Variants in RAPGEF5 observed in about 807,000 individuals in gnomAD.
The protein encoded by RAPGEF5 is Rap guanine nucleotide exchange factor 5, also known as M-Ras-regulated GEF.
RAPGEF5 carries 65 observed loss-of-function variants against 125.2 expected under a neutral mutation model. The observed-to-expected ratio is 0.52, with a 90% CI of 0.43 to 0.64. The LOEUF (loss-of-function observed/expected upper bound fraction) is 0.64, where lower values mean the gene tolerates loss of function less well. RAPGEF5 is among the 30% of genes least tolerant of loss of function. RAPGEF5 has a pLI of 0.00. For synonymous variants in RAPGEF5, 391 were observed against 385.9 expected, an observed-to-expected ratio of 1.01 and a Z score of -0.16; for missense variants, 958 against 1,048.1, an observed-to-expected ratio of 0.91 and a Z score of 1.19.
intron 8 of RAPGEF5, among the ~76,000 whole-genome samples, chr7:22,229,922 C>T (rs1032943013): frequency 6.6e-6 from 1 of 152,096 alleles, no homozygotes. Flanking sequence ...TCTGTATGTC[C>T]TACAGATACA....
chr7:22,321,817 C>T (rs770641063), intron 1 of RAPGEF5, among the ~76,000 whole-genome samples: 41 of 152,238 alleles, frequency 2.7e-4, no homozygotes, highest in Admixed American at 4.6e-4. Flanking sequence ...ATATGTAAAG[C>T]GATTATACAA....
At chr7:22,249,460 G>T (rs1267622195) in intron 7 of RAPGEF5, among the ~76,000 whole-genome samples, 1 of 152,062 alleles carries the variant, frequency 6.6e-6, no homozygotes. Context: ...AAAGTGCTGG[G>T]ATTATAGGCA....
intron 1 of RAPGEF5, among the ~76,000 whole-genome samples, chr7:22,325,947 T>C (rs1315671874): frequency 6.6e-6 from 1 of 152,222 alleles, no homozygotes; most frequent in African/African-American, 2.4e-5. Flanking sequence ...GTGAAAAACA[T>C]GGAAATTGTG....
At chr7:22,355,311 A>C (rs1784401224) in intron 1 of RAPGEF5, among the ~76,000 whole-genome samples, 1 of 152,196 alleles carries the variant, frequency 6.6e-6, no homozygotes, top group Non-Finnish European at 1.5e-5. Context: ...AACGCAAATA[A>C]ATACTATAGA....
chr7:22,122,730 AC>A (rs1782618714), intron 25 of RAPGEF5, among the ~76,000 whole-genome samples: 1 of 152,210 alleles, frequency 6.6e-6, no homozygotes, highest in African/African-American at 2.4e-5. Context: ...CTGGCAGGAT[AC>A]TTATAGCATT....
chr7:22,281,761 G>A (rs1216478317), intron 6 of RAPGEF5, among the ~76,000 whole-genome samples: 3 of 152,126 alleles, frequency 2.0e-5, no homozygotes, highest in African/African-American at 4.8e-5. Flanking sequence ...ATTCTCCTTC[G>A]CTATTCTAAC....
chr7:22,188,095 T>C (rs1784877328), intron 11 of RAPGEF5, among the ~76,000 whole-genome samples: 1 of 152,182 alleles, frequency 6.6e-6, no homozygotes, highest in South Asian at 2.1e-4. Context: ...TGCATATCAA[T>C]TGTACAAAAT....
At chr7:22,161,060 T>C (rs1305589597) in intron 13 of RAPGEF5, among the ~76,000 whole-genome samples, 1 of 130,612 alleles carries the variant, frequency 7.7e-6, no homozygotes, top group African/African-American at 2.8e-5. Context: ...AAAAAAAAAT[T>C]AGCCATGCGT....
At position 22,356,769 on chromosome 7, in the gene RAPGEF5, G is replaced by T. The variant is rs548588057; in HGVS notation, c.231+61C>A. 171 of 960,632 alleles carry T rather than the reference G, an allele frequency of 1.8e-4. 1 individual carries two copies. In the South Asian group the frequency reaches 7.1e-3, roughly 40 times the overall value. 59.5% of individuals were successfully genotyped at this position (960,632 alleles called of 1,614,324 possible). A position where few individuals can be genotyped will look rare whatever the true frequency, so the allele number is the denominator to read the frequency against. ...GACGCCCCCCTCAGCGGCCCGGGGG[G>T]TGGGCGCGGGCTCCACGTGCGCGCC... On this transcript the variant is annotated intron_variant, in intron 1 of 25. Transcript: ENST00000665637.
At chr7:22,307,960 C>T (rs879868754) in intron 5 of RAPGEF5, among the ~76,000 whole-genome samples, 6 of 152,126 alleles carry the variant, frequency 3.9e-5, no homozygotes, top group East Asian at 3.9e-4. Context: ...AGACTATTTT[C>T]AGAAACATTC....
intron 7 of RAPGEF5, among the ~76,000 whole-genome samples, chr7:22,237,800 A>C (rs1387885012): frequency 6.6e-6 from 1 of 152,200 alleles, no homozygotes; most frequent in Non-Finnish European, 1.5e-5. Context: ...TAATACCAGC[A>C]CCTGGAATAA....
intron 9 of RAPGEF5, among the ~76,000 whole-genome samples, chr7:22,210,697 G>C (rs1342776952): frequency 6.6e-6 from 1 of 152,152 alleles, no homozygotes; most frequent in Non-Finnish European, 1.5e-5. Flanking sequence ...CCTGAACAAA[G>C]AGGACATTTA....
At chr7:22,244,028 G>A (rs1000931684) in intron 7 of RAPGEF5, among the ~76,000 whole-genome samples, 5 of 152,074 alleles carry the variant, frequency 3.3e-5, no homozygotes, top group African/African-American at 4.8e-5. Context: ...GTTCCCACAC[G>A]TAAGTGAGAT....
chr7:22,131,780 A>G (rs943240449), intron 23 of RAPGEF5, among the ~76,000 whole-genome samples: 1 of 152,230 alleles, frequency 6.6e-6, no homozygotes, highest in African/African-American at 2.4e-5. Context: ...GGCTCACTGC[A>G]TTTAAATGAG....
intron 8 of RAPGEF5, among the ~76,000 whole-genome samples, chr7:22,228,514 G>C (rs1785974811): frequency 6.6e-6 from 1 of 151,858 alleles, no homozygotes; most frequent in South Asian, 2.1e-4. Flanking sequence ...GTTTTGCTTT[G>C]TTTTCTTTTT....
rs189660128 is a variant in RAPGEF5, at chr7:22,206,168, A to G, written c.997-12135T>C. ...AGCTAGAAGAAATCTTAGACATCTAATATCTTAATTTATTAGATGAGAAGA... is the reference window on the plus strand; with the variant it reads ...AGCTAGAAGAAATCTTAGACATCTAGTATCTTAATTTATTAGATGAGAAGA... On this transcript the variant is annotated intron_variant, in intron 9 of 25. Transcript: ENST00000665637. Among the ~76,000 whole-genome samples the G allele has an allele frequency of 3.3e-5, 5 of 152,334 alleles. No homozygotes were observed. In the East Asian group the frequency reaches 9.7e-4, roughly 29 times the overall value.
chr7:22,212,787 G>C (rs1015890740), intron 9 of RAPGEF5, among the ~76,000 whole-genome samples: 3 of 152,168 alleles, frequency 2.0e-5, no homozygotes, highest in African/African-American at 4.8e-5. Flanking sequence ...GGCCTTGATG[G>C]GGGTAGAGAA....
intron 7 of RAPGEF5, among the ~76,000 whole-genome samples, chr7:22,246,532 A>G (rs1429717151): frequency 6.6e-6 from 1 of 152,206 alleles, no homozygotes; most frequent in East Asian, 1.9e-4. Flanking sequence ...CAATATACAA[A>G]AGAATGAAAT....
chr7:22,319,905 G>T (rs1199469461), intron 1 of RAPGEF5, among the ~76,000 whole-genome samples: 2 of 151,218 alleles, frequency 1.3e-5, no homozygotes, highest in African/African-American at 4.9e-5. Context: ...CAAGCCACTT[G>T]CCTTCCTGGC....
Sources: allele counts gnomAD v4.1 joint callset (sites outside exome capture counted in the v4.1 genomes callset), GRCh38; gene constraint gnomAD v4.1.1; transcripts MANE v1.5; gene names NCBI Gene and HGNC (gene_info 2026-07-23, HGNC 2026-07-21).